The following SLC5A4 variants were observed in gnomAD, a reference collection of about 807,000 sequenced individuals.
SLC5A4 encodes solute carrier family 5 member 4.
Under a neutral mutation model 70.3 loss-of-function variants are expected in SLC5A4, and 55 were observed. The ratio of observed to expected loss-of-function variants is 0.78; its 90% confidence interval spans 0.63 to 0.98. SLC5A4 has a LOEUF of 0.98. SLC5A4 is among the 50% of genes least tolerant of loss of function. The pLI, the probability that SLC5A4 is intolerant of heterozygous loss-of-function variation, is 0.00. For synonymous variants in SLC5A4, 268 were observed against 305.7 expected, an observed-to-expected ratio of 0.88 and a Z score of 1.29; for missense variants, 735 against 839.2, an observed-to-expected ratio of 0.88 and a Z score of 1.53.
chr22:32,339,608 G>T, the SLC5A4 span, among the ~76,000 whole-genome samples: 1 of 152,324 alleles, frequency 6.6e-6, no homozygotes, highest in Non-Finnish European at 1.5e-5. Context: ...GTTTGCAGAG[G>T]GAGGTGGGGA....
At chr22:32,307,870 A>C in the SLC5A4 span, among the ~76,000 whole-genome samples, 1 of 152,076 alleles carries the variant, frequency 6.6e-6, no homozygotes, top group African/African-American at 2.4e-5. Context: ...CCAGGCAGAC[A>C]CCCTCTGATA....
chr22:32,229,083 T>C, intron 11 of SLC5A4, 111 bp downstream of exon 11: 2 of 991,486 alleles, frequency 2.0e-6, no homozygotes, highest in South Asian at 1.9e-5. Context: ...CTCTTCCCTC[T>C]ACCCAGATGC....
intron 8 of SLC5A4, 74 bp downstream of exon 8, chr22:32,234,799 A>G: frequency 9.3e-7 from 1 of 1,072,728 alleles, no homozygotes; most frequent in Non-Finnish European, 1.4e-6. Context: ...GACAAGAAAG[A>G]ACAAGCACAT....
At chr22:32,307,215 A>G in the SLC5A4 span, among the ~76,000 whole-genome samples, 1 of 152,068 alleles carries the variant, frequency 6.6e-6, no homozygotes, top group Non-Finnish European at 1.5e-5. Context: ...GTTAAGGGCA[A>G]ATCTGTCAGG....
chr22:32,253,168 G>A (rs1927273509), intron 2 of SLC5A4, among the ~76,000 whole-genome samples: 1 of 152,184 alleles, frequency 6.6e-6, no homozygotes, highest in Non-Finnish European at 1.5e-5. Context: ...ATACCATTTA[G>A]AAAATGAGTC....
chr22:32,307,836 C>A, the SLC5A4 span, among the ~76,000 whole-genome samples: 1 of 152,314 alleles, frequency 6.6e-6, no homozygotes, highest in South Asian at 2.1e-4. Flanking sequence ...CAGGCATGGC[C>A]TGACTGTCCC....
At chr22:32,271,342 A>G in the SLC5A4 span, 1 of 738,828 alleles carries the variant, frequency 1.4e-6, no homozygotes, top group East Asian at 3.0e-5. Flanking sequence ...TCTCTCGTCA[A>G]GGAGGTGCTG....
the SLC5A4 span, among the ~76,000 whole-genome samples, chr22:32,330,436 G>C: frequency 5.2e-5 from 6 of 115,036 alleles, no homozygotes; most frequent in Admixed American, 1.8e-4. Context: ...TATATGTTGG[G>C]GACTCTGGAG....
the SLC5A4 span, among the ~76,000 whole-genome samples, chr22:32,300,194 T>C: frequency 6.6e-6 from 1 of 152,166 alleles, no homozygotes; most frequent in South Asian, 2.1e-4. Context: ...CAGTTTGAGC[T>C]TCCCAGCTGC....
At chr22:32,270,647 A>ATGTAGTGGTTGTCC in the SLC5A4 span, 1 of 728,252 alleles carries the variant, frequency 1.4e-6, no homozygotes, top group Non-Finnish European at 2.6e-6. Context: ...ATCGGGGACA[A>ATGTAGTGGTTGTCC]CCACTACATT....
the SLC5A4 span, chr22:32,277,013 T>C: frequency 2.6e-5 from 4 of 152,226 alleles, no homozygotes; most frequent in Non-Finnish European, 1.5e-5. Context: ...TTTAAAATAC[T>C]TATTCCCAAT....
chr22:32,271,584 C>T, the SLC5A4 span: 10 of 698,060 alleles, frequency 1.4e-5, no homozygotes, highest in Non-Finnish European at 2.7e-5. Context: ...GGCCGCGTGG[C>T]GTGTTTCCAC....
chr22:32,306,846 G>C, the SLC5A4 span, among the ~76,000 whole-genome samples: 2 of 152,190 alleles, frequency 1.3e-5, no homozygotes, highest in Non-Finnish European at 2.9e-5. Context: ...GCTTTAAAAC[G>C]GGAAATGGGG....
At chr22:32,258,369 AC>A (rs973490064), upstream of SLC5A4, among the ~76,000 whole-genome samples, 22 of 152,078 alleles carry the variant, frequency 1.4e-4, no homozygotes, top group African/African-American at 5.1e-4. Context: ...ATATAAAATA[AC>A]CCCCCACAAC....
At chr22:32,318,468 C>A in the SLC5A4 span, among the ~76,000 whole-genome samples, 1 of 152,178 alleles carries the variant, frequency 6.6e-6, no homozygotes, top group African/African-American at 2.4e-5. Context: ...TCAGGAAATA[C>A]AACTCCATCC....
At chr22:32,219,601 G>A (rs201651929) in intron 14 of SLC5A4, among the ~76,000 whole-genome samples, 49 of 65,186 alleles carry the variant, frequency 7.5e-4, no homozygotes, top group East Asian at 5.8e-3. Flanking sequence ...CAGATTTACC[G>A]GAAATGAATG....
chr22:32,236,442 T>C (rs1014806045), intron 7 of SLC5A4, among the ~76,000 whole-genome samples: 4 of 152,188 alleles, frequency 2.6e-5, no homozygotes, highest in Non-Finnish European at 4.4e-5. Flanking sequence ...GTTATGGATG[T>C]TTTGGATGAA....
chr22:32,255,317 C>T lies in SLC5A4; in HGVS notation c.13G>A (p.Val5Ile), dbSNP rs866548206. Reference sequence around the variant, plus strand: ...GTCTCAGCTATGGTGCTGGGGCTAACCGTACTGGCCATGGCTGCAGGCAGT... The same window carrying T: ...GTCTCAGCTATGGTGCTGGGGCTAATCGTACTGGCCATGGCTGCAGGCAGT... MAST[V>I]SPSTIAETPE... Residue 5 changes from valine (V) to isoleucine (I), a missense_variant, in exon 1 of 15, where the codon GTT becomes ATT. By Grantham distance (29) the Val-to-Ile change is conservative. Coordinates refer to ENST00000266086, the MANE Select transcript of SLC5A4 (RefSeq NM_014227.3). The T allele has an allele frequency of 1.2e-6, 2 of 1,614,146 alleles. No individual in the cohort carries two copies. The highest frequency in any genetic ancestry group is 1.7e-6 in the Non-Finnish European group (2 of 1,180,006).
At chr22:32,269,963 GT>G in the SLC5A4 span, 3 of 524,960 alleles carry the variant, frequency 5.7e-6, no homozygotes, top group East Asian at 1.6e-4. This position sits in a 1 kb window ranked among gnomAD's most constrained non-coding sequence, Gnocchi z 4.1. Flanking sequence ...CTGTTCCTGA[GT>G]TCTTGCCTGG....
Sources: gnomAD v4.1 joint callset for allele counts (sites outside exome capture counted in the v4.1 genomes callset) on GRCh38, gnomAD v4.1.1 for gene constraint, Gnocchi (gnomAD v3.1) non-coding constraint, MANE v1.5 for transcripts, NCBI Gene and HGNC (gene_info 2026-07-23, HGNC 2026-07-21) for gene names.